The following BEND6 variants were observed in gnomAD, a reference collection of about 807,000 sequenced individuals.
BEND6 encodes BEN domain-containing protein 6.
Under a neutral mutation model 31.8 loss-of-function variants are expected in BEND6, and 24 were observed. The observed-to-expected ratio is 0.75, with a 90% CI of 0.55 to 1.06. The LOEUF is 1.06. BEND6 is among the 50% of genes least tolerant of loss of function. The probability of loss-of-function intolerance (pLI) is 0.00; values close to 1 mark genes in which losing one functional copy is unlikely to be tolerated. For missense variants in BEND6, 294 were observed against 327.4 expected, an observed-to-expected ratio of 0.90 and a Z score of 0.79; for synonymous variants, 109 against 114.6, an observed-to-expected ratio of 0.95 and a Z score of 0.31.
chr6:56,964,003 AAG>A (rs1327381763), intron 1 of BEND6, among the ~76,000 whole-genome samples: 1 of 145,228 alleles, frequency 6.9e-6, no homozygotes, highest in African/African-American at 2.5e-5. Flanking sequence ...GTTATAAAAT[AAG>A]ATAGTAGTAA....
chr6:57,019,881 C>T (rs188347194), intron 6 of BEND6, among the ~76,000 whole-genome samples: 96 of 152,168 alleles, frequency 6.3e-4, no homozygotes, highest in African/African-American at 2.1e-3. Context: ...ATACTTGAGC[C>T]CAGGAGTTCG....
chr6:56,956,146 T>C (rs2127834136), intron 1 of BEND6, among the ~76,000 whole-genome samples: 1 of 152,374 alleles, frequency 6.6e-6, no homozygotes, highest in Admixed American at 6.5e-5. Flanking sequence ...ATTGTTTGTT[T>C]CATTTACTCG....
intron 6 of BEND6, among the ~76,000 whole-genome samples, chr6:57,022,211 G>A (rs1479630268): frequency 5.0e-5 from 5 of 100,916 alleles, no homozygotes; most frequent in African/African-American, 1.9e-4. Flanking sequence ...TGGTATTACT[G>A]TCTCTTCAAA....
chr6:57,000,711 G>A (rs1385414998), intron 3 of BEND6, among the ~76,000 whole-genome samples: 2 of 151,396 alleles, frequency 1.3e-5, no homozygotes, highest in East Asian at 3.9e-4. Flanking sequence ...GGAGAGGAAA[G>A]AGCAGGTGTG....
At position 56,955,391 on chromosome 6, in the gene BEND6, C is replaced by G. The variant is rs1332700633; in HGVS notation, c.-170C>G. The stretch of plus-strand genomic sequence containing the variant: ...AGAGGCGCTGACAGGAGCCTCCCGG[C>G]GGTGCTACCCTCCACCTCCCACCTC... On this transcript the variant is annotated 5_prime_UTR_variant, in exon 1 of 7. Coordinates refer to ENST00000370746, the MANE Select transcript of BEND6 (RefSeq NM_152731.3). 6.6e-6 allele frequency: 1 copy of G among 152,238 alleles called. No individual in the cohort carries two copies. Among genetic ancestry groups the G allele is most frequent in the African/African-American group, 2.4e-5 (1 of 41,450 alleles). 9.4% of individuals were successfully genotyped at this position (152,238 alleles called of 1,614,324 possible).
chr6:56,957,387 T>C (rs192255634), intron 1 of BEND6, among the ~76,000 whole-genome samples: 34 of 152,350 alleles, frequency 2.2e-4, no homozygotes, highest in Admixed American at 2.2e-3. Flanking sequence ...TTAGTTCCAT[T>C]GTTATTTTCT....
chr6:57,017,458 G>T, intron 5 of BEND6, 59 bp downstream of exon 5: 2 of 1,202,086 alleles, frequency 1.7e-6, no homozygotes, highest in Non-Finnish European at 2.2e-6. Context: ...ACCACTCAAG[G>T]TCAAGATAGT....
intron 6 of BEND6, among the ~76,000 whole-genome samples, chr6:57,025,265 AT>A (rs1827865857): frequency 6.6e-6 from 1 of 152,056 alleles, no homozygotes; most frequent in South Asian, 2.1e-4. Context: ...GTTTGCTATT[AT>A]TTCTTGTGGA....
At position 56,955,157 on chromosome 6, in the gene BEND6, G is replaced by A. The variant is rs1376335210; in HGVS notation, c.-404G>A. On this transcript the variant is annotated 5_prime_UTR_variant, in exon 1 of 7. Transcript: ENST00000370746. The stretch of plus-strand genomic sequence containing the variant: ...GCGGGCGCGCGGACATGGCTGCGGC[G>A]GTTTCGGCGGCGTCCGCGGGCTGCA... 6.6e-6 allele frequency: 1 copy of A among 150,746 alleles called. No homozygotes were observed. Among genetic ancestry groups the A allele is most frequent in the South Asian group, 2.1e-4 (1 of 4,834 alleles). 9.3% of individuals were successfully genotyped at this position (150,746 alleles called of 1,614,324 possible). A position where few individuals can be genotyped will look rare whatever the true frequency, so the allele number is the denominator to read the frequency against.
chr6:57,016,302 T>A (rs1187075540), intron 4 of BEND6, among the ~76,000 whole-genome samples: 2 of 152,220 alleles, frequency 1.3e-5, no homozygotes, highest in Non-Finnish European at 2.9e-5. Context: ...GTGTATCAGT[T>A]ACCTATTGCT....
At chr6:57,024,530 G>T (rs2127896834) in intron 6 of BEND6, among the ~76,000 whole-genome samples, 1 of 151,526 alleles carries the variant, frequency 6.6e-6, no homozygotes, top group South Asian at 2.1e-4. Context: ...TGAAAATGTT[G>T]TTTCACTCCT....
Position 56,981,962 on chromosome 6 carries a change from T to C in BEND6, c.120+32T>C, listed in dbSNP as rs547612169. On this transcript the variant is annotated intron_variant, in intron 2 of 6. Transcript: ENST00000370746. ...TTTTTGTTACCTTGACTCAACTTTGTTATCTAGCTCAATCATAATTTCATG... is the reference window on the plus strand; with the variant it reads ...TTTTTGTTACCTTGACTCAACTTTGCTATCTAGCTCAATCATAATTTCATG... 36 of 1,590,266 alleles carry C rather than the reference T, an allele frequency of 2.3e-5. 1 individual carries two copies. In the South Asian group the frequency reaches 3.5e-4, roughly 15 times the overall value.
chr6:57,004,102 C>A (rs1827057483), intron 3 of BEND6, among the ~76,000 whole-genome samples: 1 of 152,130 alleles, frequency 6.6e-6, no homozygotes. Flanking sequence ...AAGCATTGCT[C>A]TCGAGAACTG....
At chr6:57,002,725 A>G (rs1826991005) in intron 3 of BEND6, among the ~76,000 whole-genome samples, 1 of 152,194 alleles carries the variant, frequency 6.6e-6, no homozygotes, top group Non-Finnish European at 1.5e-5. Context: ...TGTTAAGAGA[A>G]AAGTTTATAG....
At chr6:57,011,715 C>CAAAAAAAAAAA (rs770049459) in intron 3 of BEND6, among the ~76,000 whole-genome samples, 23 of 33,522 alleles carry the variant, frequency 6.9e-4, no homozygotes, top group South Asian at 1.1e-3. Context: ...GGCCCTGTCT[C>CAAAAAAAAAAA]AAAAAAAAAA....
chr6:57,022,533 C>A (rs1827783476), intron 6 of BEND6, among the ~76,000 whole-genome samples: 1 of 151,902 alleles, frequency 6.6e-6, no homozygotes, highest in South Asian at 2.1e-4. Flanking sequence ...CTTAGTCTGG[C>A]TAATGGTTTG....
intron 3 of BEND6, among the ~76,000 whole-genome samples, chr6:57,012,315 GA>G (rs1189841854): frequency 2.6e-5 from 4 of 152,136 alleles, no homozygotes; most frequent in African/African-American, 9.7e-5. Flanking sequence ...ACAAAAAAAG[GA>G]GAATATACTG....
At position 57,026,833 on chromosome 6, in the gene BEND6, T is replaced by C. The variant is rs1827918084; in HGVS notation, c.*761T>C. 6.6e-6 allele frequency: 1 copy of C among 152,240 alleles called. No homozygotes were observed. The highest frequency in any genetic ancestry group is 2.1e-4 in the South Asian group (1 of 4,830). The allele number at this position is 152,240 out of a possible 1,614,324, so 9.4% of individuals were successfully genotyped here. On this transcript the variant is annotated 3_prime_UTR_variant, in exon 7 of 7. Transcript: ENST00000370746. ...TTGTTTGTTTATTTACCAGACATGT[T>C]CTAACTTTGTATTGCCCAAAGTATA... is the stretch of plus-strand genomic sequence containing the variant.
chr6:56,995,102 C>G (rs1382994393), intron 3 of BEND6, among the ~76,000 whole-genome samples: 3 of 152,024 alleles, frequency 2.0e-5, no homozygotes, highest in Non-Finnish European at 4.4e-5. Context: ...CAGATCCCAT[C>G]CCCTTTTTTG....
Sources: allele counts gnomAD v4.1 joint callset (sites outside exome capture counted in the v4.1 genomes callset), GRCh38; gene constraint gnomAD v4.1.1; transcripts MANE v1.5; gene names NCBI Gene and HGNC (gene_info 2026-07-23, HGNC 2026-07-21).